Variants in NOS3 observed in about 807,000 individuals in gnomAD.
NOS3 encodes the protein nitric oxide synthase 3, also known as NOS type III.
NOS3 carries 98 observed loss-of-function variants against 144.9 expected under a neutral mutation model. The observed-to-expected ratio is 0.68, with a 90% CI of 0.57 to 0.80. The LOEUF is 0.80. Ranked by LOEUF, NOS3 falls within the 30% of genes least tolerant of loss-of-function variation. The pLI is 0.00. For synonymous variants in NOS3, 714 were observed against 702.4 expected, an observed-to-expected ratio of 1.02 and a Z score of -0.26; for missense variants, 1,465 against 1,656.4, an observed-to-expected ratio of 0.88 and a Z score of 2.01.
intron 9 of NOS3, 98 bp from the exon 10 acceptor site, chr7:151,000,400 A>T: frequency 1.2e-6 from 1 of 806,622 alleles, no homozygotes; most frequent in Non-Finnish European, 2.1e-6. Context: ...CACTCACCTC[A>T]CTCCTTCCAG....
At chr7:151,011,861 T>C (rs1489864838) in intron 23 of NOS3, 3 of 443,182 alleles carry the variant, frequency 6.8e-6, no homozygotes, top group Non-Finnish European at 1.4e-5. Context: ...TCCTTCATGC[T>C]GTGTCCAGAA....
At position 150,996,442 on chromosome 7, in the gene NOS3, G is replaced by C; in HGVS notation, c.309G>C (p.Leu103=). 1 of 1,555,372 alleles carries C rather than the reference G, an allele frequency of 6.4e-7. No homozygotes were observed. Among genetic ancestry groups the C allele is most frequent in the Non-Finnish European group, 8.7e-7 (1 of 1,154,960 alleles). ...CCCCAAGACGCTGCCTGGGCTCCCT[G>C]GTATTTCCACGGAAACTACAGGGCC... ...PCTPRRCLGS[L]VFPRKLQGRP... is the part of the protein sequence containing the mutation. Residue 103 remains leucine, a synonymous_variant, in exon 4 of 27, where the codon CTG becomes CTC. Coordinates refer to ENST00000297494, the MANE Select transcript of NOS3 (RefSeq NM_000603.5).
chr7:151,007,166 G>T lies in NOS3; in HGVS notation c.2002G>T (p.Asp668Tyr). The part of the protein sequence containing the change: ...PHFCAFARAV[D>Y]TRLEELGGER... Reference sequence around the variant, plus strand: ...CTTCTGCGCCTTTGCTCGTGCCGTGGACACACGGCTGGAGGAACTGGGCGG... The same window carrying T: ...CTTCTGCGCCTTTGCTCGTGCCGTGTACACACGGCTGGAGGAACTGGGCGG... The change falls in exon 17 of 27, where the codon GAC becomes TAC. Residue 668 changes from aspartate to tyrosine, a missense_variant. This residue lies in a region of NOS3 where 745 missense variants were observed against 853.9 expected (regional missense o/e 0.87). Transcript: ENST00000297494. 6.2e-7 allele frequency: 1 copy of T among 1,613,794 alleles called. No homozygotes were observed. Among genetic ancestry groups the T allele is most frequent in the Non-Finnish European group, 8.5e-7 (1 of 1,179,948 alleles).
chr7:151,010,618 T>C lies in NOS3; in HGVS notation c.2707T>C (p.Trp903Arg). 6.3e-7 allele frequency: 1 copy of C among 1,599,102 alleles called. No homozygotes were observed. The highest frequency in any genetic ancestry group is 8.5e-7 in the Non-Finnish European group (1 of 1,173,026). Residue 903 changes from tryptophan (W) to arginine (R), a missense_variant, in exon 22 of 27, where the codon TGG (tryptophan) becomes CGG (arginine). Coordinates refer to ENST00000297494, the MANE Select transcript of NOS3 (RefSeq NM_000603.5). ...CCAGGATCCCCGACGCTACGAGGAG[T>C]GGAAGTGGTTCCGCTGCCCCACGCT... is the stretch of plus-strand genomic sequence containing the variant. ...LSQDPRRYEE[W>R]KWFRCPTLLE... is the part of the protein sequence containing the mutation.
rs1563233840 is a variant in NOS3, at chr7:151,012,367, C to T, written c.3001C>T (p.Leu1001=). 2 of 1,572,690 alleles carry T rather than the reference C, an allele frequency of 1.3e-6. No homozygotes were observed. Among genetic ancestry groups the T allele is most frequent in the Non-Finnish European group, 1.7e-6 (2 of 1,158,676 alleles). Residue 1001 remains leucine, a synonymous_variant, in exon 24 of 27, where the codon CTG becomes TTG. Coordinates refer to ENST00000297494, the MANE Select transcript of NOS3 (RefSeq NM_000603.5). The part of the protein sequence containing the change: ...CFIRGAPSFR[L]PPDPSLPCIL... ...TCCTGCCAGGGCTCCCTCCTTCCGG[C>T]TGCCACCCGATCCCAGCTTGCCCTG...
At chr7:151,007,627 AGAAG>A (rs1208919007) in intron 17 of NOS3, among the ~76,000 whole-genome samples, 1 of 152,164 alleles carries the variant, frequency 6.6e-6, no homozygotes, top group East Asian at 1.9e-4. Flanking sequence ...GGATGGAGGG[AGAAG>A]GAAGGGACAG....
chr7:151,009,012 G>T lies in NOS3; in HGVS notation c.2195G>T (p.Arg732Leu). ...TTCAGCCCCAAACGGAGCTGGAAGC[G>T]CCAGAGGTACCGGCTGAGCGCCCAG... ...DIFSPKRSWK[R>L]QRYRLSAQAE... Residue 732 changes from arginine to leucine, a missense_variant, in exon 18 of 27, where the codon CGC (arginine) becomes CTC (leucine). This residue lies in a region of NOS3 where 745 missense variants were observed against 853.9 expected (regional missense o/e 0.87). Transcript: ENST00000297494. The T allele has an allele frequency of 6.2e-7, 1 of 1,612,062 alleles. No individual in the cohort carries two copies. Among genetic ancestry groups the T allele is most frequent in the Non-Finnish European group, 8.5e-7 (1 of 1,179,476 alleles).
Position 150,998,612 on chromosome 7 carries a change from C to G in NOS3, c.748C>G (p.Arg250Gly). ...CCGAATCTGGAACAGCCAGCTGGTG[C>G]GCTACGCGGGCTACCGGCAGCAGGA... ...DFRIWNSQLVRYAGYRQQDGS... is the reference protein window; with the variant it reads ...DFRIWNSQLVGYAGYRQQDGS... The change falls in exon 7 of 27, where the codon CGC becomes GGC. Residue 250 changes from arginine (R) to glycine (G), a missense_variant. Transcript: ENST00000297494. This position sits in a 1 kb window ranked among gnomAD's most constrained non-coding sequence, Gnocchi z 5.0. 9 of 1,608,482 alleles carry G rather than the reference C, an allele frequency of 5.6e-6. No homozygotes were observed. Among genetic ancestry groups the G allele is most frequent in the Non-Finnish European group, 7.6e-6 (9 of 1,178,556 alleles).
At chr7:151,001,990 G>C in intron 13 of NOS3, 25 bp downstream of exon 13, 2 of 1,611,518 alleles carry the variant, frequency 1.2e-6, no homozygotes, top group African/African-American at 2.7e-5. Context: ...AGGGGAGCAG[G>C]GAGCTAGAAA....
rs150733929 is a variant in NOS3 at position 150,994,330 on chromosome 7, G to A, written c.158+369G>A. Among the ~76,000 whole-genome samples, 14 of 152,330 alleles carry A rather than the reference G, an allele frequency of 9.2e-5. No homozygotes were observed. The East Asian group carries it at 2.7e-3, about 29-fold the overall frequency. On this transcript the variant is annotated intron_variant, in intron 2 of 26. Transcript: ENST00000297494. ...GAAGTAAGTTTCTAGCTCACAGCAAGCCTTCAACAGCAGCGATGATTATTT... is the reference window on the plus strand; with the variant it reads ...GAAGTAAGTTTCTAGCTCACAGCAAACCTTCAACAGCAGCGATGATTATTT...
intron 5 of NOS3, 89 bp downstream of exon 5, chr7:150,997,014 G>A: frequency 7.0e-7 from 1 of 1,424,984 alleles, no homozygotes; most frequent in Non-Finnish European, 9.4e-7. Flanking sequence ...CGGGGGCTGG[G>A]AGGTCCCAAA....
Position 151,002,194 on chromosome 7 carries a change from C to T in NOS3, c.1648-6C>T. The T allele has an allele frequency of 6.3e-7, 1 of 1,575,818 alleles. No individual in the cohort carries two copies. Among genetic ancestry groups the T allele is most frequent in the Non-Finnish European group, 8.7e-7 (1 of 1,155,384 alleles). ...GCACCCAGGACATCTGTCTTCCCAC[C>T]CACAGGTCCTGTGTATGGATGAGTA... On this transcript the variant is annotated splice_region_variant and splice_polypyrimidine_tract_variant and intron_variant, in intron 13 of 26. Transcript: ENST00000297494. The surrounding 1 kb of genome is among the most constrained non-coding windows in gnomAD (Gnocchi z 4.1).
At chr7:151,006,055 G>A (rs1795202630) in intron 14 of NOS3, among the ~76,000 whole-genome samples, 1 of 152,142 alleles carries the variant, frequency 6.6e-6, no homozygotes, top group Non-Finnish European at 1.5e-5. Context: ...CAATATTGTT[G>A]TATTGACCTG....
chr7:151,006,787 T>TC (rs1795212310), intron 15 of NOS3, 102 bp from the exon 16 acceptor site: 1 of 953,512 alleles, frequency 1.0e-6, no homozygotes, highest in African/African-American at 1.6e-5. Context: ...GCCTTTCCTG[T>TC]CCCAGAGGCA....
Position 151,014,226 on chromosome 7 carries a change from C to G in NOS3, c.*57C>G. On this transcript the variant is annotated 3_prime_UTR_variant, in exon 27 of 27. Transcript: ENST00000297494. ...AGAGCGGCTGCCCGACTCAGGTCCG[C>G]CCGACCAGGATCAGCCCCGCTCCTC... 1 of 1,519,496 alleles carries G rather than the reference C, an allele frequency of 6.6e-7. No individual in the cohort carries two copies. The highest frequency in any genetic ancestry group is 8.9e-7 in the Non-Finnish European group (1 of 1,127,296). 94.1% of individuals were successfully genotyped at this position (1,519,496 alleles called of 1,614,324 possible).
rs1017976391 is a variant in NOS3, at chr7:151,012,682, G to A, written c.3106+210G>A. On this transcript the variant is annotated intron_variant, in intron 24 of 26. Coordinates refer to ENST00000297494, the MANE Select transcript of NOS3 (RefSeq NM_000603.5). ...CTTCCTGGTGCCTGGTACATAGTAG[G>A]TGTTGACTGGATTGAGGACAAAGGA... 3 of 544,210 alleles carry A rather than the reference G, an allele frequency of 5.5e-6. No individual in the cohort carries two copies. In the African/African-American group the frequency reaches 5.6e-5, roughly 10 times the overall value. The allele number at this position is 544,210 out of a possible 1,614,324, so 33.7% of individuals were successfully genotyped here.
Position 151,014,304 on chromosome 7 carries a change from C to A in NOS3, c.*135C>A. The A allele has an allele frequency of 1.1e-6, 1 of 944,228 alleles. No individual in the cohort carries two copies. Among genetic ancestry groups the A allele is most frequent in the Non-Finnish European group, 1.5e-6 (1 of 650,876 alleles). 58.5% of individuals were successfully genotyped at this position (944,228 alleles called of 1,614,324 possible). ...CTGTCCAGAGGCTGCAAGGATTCAG[C>A]ATTATTCCTCCAGGAAGGAGCAAAA... On this transcript the variant is annotated 3_prime_UTR_variant, in exon 27 of 27. Transcript: ENST00000297494.
At position 151,001,816 on chromosome 7, in the gene NOS3, C is replaced by T. The variant is rs376423985; in HGVS notation, c.1503-5C>T. On this transcript the variant is annotated splice_polypyrimidine_tract_variant and splice_region_variant and intron_variant, in intron 12 of 26. Coordinates refer to ENST00000297494, the MANE Select transcript of NOS3 (RefSeq NM_000603.5). ...AGGACACCCTCACACCTTCCTCTCC[C>T]GCAGCGCCGTGAAGATCTCCGCCTC... The T allele has an allele frequency of 2.8e-4, 454 of 1,613,624 alleles. No homozygotes were observed. Among genetic ancestry groups the T allele is most frequent in the Non-Finnish European group, 3.6e-4 (429 of 1,179,980 alleles).
At position 150,993,904 on chromosome 7, in the gene NOS3, C is replaced by A; in HGVS notation, c.101C>A (p.Pro34Gln). The A allele has an allele frequency of 2.5e-6, 4 of 1,592,866 alleles. No homozygotes were observed. Among genetic ancestry groups the A allele is most frequent in the South Asian group, 1.1e-5 (1 of 88,738 alleles). ...GLCGKQGPAT[P>Q]APEPSRAPAS... Reference sequence around the variant, plus strand: ...TGCGGCAAGCAGGGCCCAGCCACCCCGGCCCCTGAGCCCAGCCGGGCCCCA... The same window carrying A: ...TGCGGCAAGCAGGGCCCAGCCACCCAGGCCCCTGAGCCCAGCCGGGCCCCA... Residue 34 changes from proline (P) to glutamine (Q), a missense_variant, in exon 2 of 27, where the codon CCG becomes CAG. Coordinates refer to ENST00000297494, the MANE Select transcript of NOS3 (RefSeq NM_000603.5). This position sits in a 1 kb window ranked among gnomAD's most constrained non-coding sequence, Gnocchi z 4.0.
Sources: allele counts gnomAD v4.1 joint callset (sites outside exome capture counted in the v4.1 genomes callset), GRCh38; gene constraint gnomAD v4.1.1; regional missense constraint gnomAD v4.1.1; non-coding constraint Gnocchi (gnomAD v3.1); transcripts MANE v1.5; gene names NCBI Gene and HGNC (gene_info 2026-07-23, HGNC 2026-07-21).